The following SLC8A3 variants were observed in gnomAD, a reference collection of about 807,000 sequenced individuals.
The protein encoded by SLC8A3 is solute carrier family 8 member A3.
In SLC8A3, 37 loss-of-function variants were observed where a neutral mutation model predicts 65.4. The ratio of observed to expected loss-of-function variants is 0.57; its 90% CI spans 0.44 to 0.74. SLC8A3 has a LOEUF of 0.74. Ranked by LOEUF, SLC8A3 falls within the 30% of genes least tolerant of loss-of-function variation. SLC8A3 has a pLI of 0.00. For missense variants in SLC8A3, 1,112 were observed against 1,172.1 expected (o/e 0.95, Z 0.75); for synonymous variants, 461 against 444.5 (o/e 1.04, Z -0.47).
intron 3 of SLC8A3, among the ~76,000 whole-genome samples, chr14:70,058,340 T>C (rs1888393732): frequency 6.6e-6 from 1 of 151,060 alleles, no homozygotes; most frequent in East Asian, 1.9e-4. Context: ...AATCAGGTTT[T>C]ATGACCTTTC....
intron 1 of SLC8A3, among the ~76,000 whole-genome samples, chr14:70,171,236 G>C (rs1267713817): frequency 1.3e-5 from 2 of 152,186 alleles, no homozygotes; most frequent in African/African-American, 4.8e-5. Flanking sequence ...GAGTATCCAT[G>C]GGGGAGAGAA....
chr14:70,092,142 T>C (rs1891844393), intron 2 of SLC8A3, among the ~76,000 whole-genome samples: 1 of 152,210 alleles, frequency 6.6e-6, no homozygotes, highest in African/African-American at 2.4e-5. Context: ...TTTATCACCT[T>C]CCTTCGTGTC....
intron 2 of SLC8A3, among the ~76,000 whole-genome samples, chr14:70,136,687 C>T (rs1270063372): frequency 3.3e-5 from 5 of 152,184 alleles, no homozygotes; most frequent in Non-Finnish European, 7.4e-5. Context: ...AGGTTCAAAG[C>T]ATCCTGCTTA....
chr14:70,121,991 G>T (rs974792872), intron 2 of SLC8A3, among the ~76,000 whole-genome samples: 1 of 152,056 alleles, frequency 6.6e-6, no homozygotes, highest in Non-Finnish European at 1.5e-5. Context: ...AATGATTATG[G>T]AGTGGCTCCA....
intron 2 of SLC8A3, among the ~76,000 whole-genome samples, chr14:70,153,242 T>C (rs1382376034): frequency 6.6e-6 from 1 of 151,586 alleles, no homozygotes; most frequent in Non-Finnish European, 1.5e-5. Context: ...CATTCATTCA[T>C]TCTGCAGGCA....
intron 2 of SLC8A3, among the ~76,000 whole-genome samples, chr14:70,083,678 A>G (rs1310472100): frequency 2.6e-5 from 4 of 152,202 alleles, no homozygotes; most frequent in Non-Finnish European, 4.4e-5. Flanking sequence ...AGCCCAGTGA[A>G]GTCTATGCAG....
chr14:70,156,195 T>C (rs999515166), intron 2 of SLC8A3, among the ~76,000 whole-genome samples: 1 of 152,224 alleles, frequency 6.6e-6, no homozygotes, highest in African/African-American at 2.4e-5. Flanking sequence ...AGAAATTATC[T>C]GCTTCACCTG....
chr14:70,174,672 T>C lies in SLC8A3; in HGVS notation c.-62-6188A>G, dbSNP rs866561817. ...ATCCGTTTTTTTTTTGTTTTTTTTT[T>C]TTTTTTTTTTTTTTTTTTGCCTATT... is the stretch of plus-strand genomic sequence containing the variant. On this transcript the variant is annotated intron_variant, in intron 1 of 6. Transcript: ENST00000356921. Among the ~76,000 whole-genome samples the C allele has an allele frequency of 2.6e-5, 3 of 117,612 alleles. No individual in the cohort carries two copies. In the East Asian group the frequency reaches 6.3e-4, roughly 25 times the overall value. The allele number at this position is 117,612 out of a possible 152,430, so 77.2% of individuals were successfully genotyped here.
chr14:70,178,046 A>G (rs933593639), intron 1 of SLC8A3, among the ~76,000 whole-genome samples: 3 of 152,190 alleles, frequency 2.0e-5, no homozygotes, highest in African/African-American at 7.2e-5. Context: ...TAGAAACAGA[A>G]GATGATGGTG....
intron 2 of SLC8A3, among the ~76,000 whole-genome samples, chr14:70,142,127 G>A (rs927872312): frequency 6.6e-6 from 1 of 152,178 alleles, no homozygotes; most frequent in African/African-American, 2.4e-5. Flanking sequence ...GACCCAAGTT[G>A]GGCTGATCAG....
At chr14:70,098,325 T>C (rs557579276) in intron 2 of SLC8A3, among the ~76,000 whole-genome samples, 1 of 152,038 alleles carries the variant, frequency 6.6e-6, no homozygotes, top group South Asian at 2.1e-4. Context: ...ACCCTCTGCC[T>C]ATACAGTCAC....
intron 2 of SLC8A3, among the ~76,000 whole-genome samples, chr14:70,144,169 A>G (rs917778634): frequency 3.3e-5 from 5 of 152,136 alleles, no homozygotes; most frequent in African/African-American, 4.8e-5. Context: ...GAAAGCATAC[A>G]TTCTGGTCTA....
chr14:70,107,278 A>G (rs73276718), intron 2 of SLC8A3, among the ~76,000 whole-genome samples: 76 of 152,262 alleles, frequency 5.0e-4, no homozygotes, highest in African/African-American at 1.8e-3. Flanking sequence ...AAAAAATCAG[A>G]TAACTGTAGT....
chr14:70,099,858 A>T (rs1384166507), intron 2 of SLC8A3, among the ~76,000 whole-genome samples: 15 of 152,156 alleles, frequency 9.9e-5, no homozygotes. Context: ...TAAACTCCTA[A>T]AGCCAGAATC....
Position 70,045,817 on chromosome 14 carries a change from A to T in SLC8A3, c.*130T>A. On this transcript the variant is annotated 3_prime_UTR_variant, in exon 7 of 7. Transcript: ENST00000356921. ...TAATTGCCAGGGCCTAAGTTGGGTG[A>T]AGTTCCTGGGGCTTAGGTCCTGATG... 1.1e-6 allele frequency: 1 copy of T among 890,088 alleles called. No homozygotes were observed. Among genetic ancestry groups the T allele is most frequent in the East Asian group, 2.7e-5 (1 of 37,356 alleles). 55.1% of individuals were successfully genotyped at this position (890,088 alleles called of 1,614,324 possible). A position where few individuals can be genotyped will look rare whatever the true frequency, so the allele number is the denominator to read the frequency against.
chr14:70,174,662 GTTTTTT>G (rs10527244), intron 1 of SLC8A3, among the ~76,000 whole-genome samples: 1 of 66,516 alleles, frequency 1.5e-5, no homozygotes, highest in African/African-American at 5.1e-5. Flanking sequence ...TTTTTTTTTT[GTTTTTT>G]TTTTTTTTTT....
At chr14:70,073,645 T>C (rs1226660360) in intron 2 of SLC8A3, among the ~76,000 whole-genome samples, 1 of 152,216 alleles carries the variant, frequency 6.6e-6, no homozygotes, top group Admixed American at 6.5e-5. Flanking sequence ...GGTTATCTGA[T>C]TCATGGCTTT....
chr14:70,161,153 A>G (rs1051332674), intron 2 of SLC8A3, among the ~76,000 whole-genome samples: 2 of 146,816 alleles, frequency 1.4e-5, no homozygotes, highest in African/African-American at 4.9e-5. Context: ...ATATATATGT[A>G]TAATATATAT....
chr14:70,082,035 A>G (rs1405946430), intron 2 of SLC8A3, among the ~76,000 whole-genome samples: 2 of 152,192 alleles, frequency 1.3e-5, no homozygotes, highest in African/African-American at 2.4e-5. Context: ...TCAGAGCACT[A>G]TTAAGTACTA....
Sources: allele counts gnomAD v4.1 joint callset (sites outside exome capture counted in the v4.1 genomes callset), GRCh38; gene constraint gnomAD v4.1.1; transcripts MANE v1.5; gene names NCBI Gene and HGNC (gene_info 2026-07-23, HGNC 2026-07-21).